The following MAF variants were observed in gnomAD, a reference collection of about 807,000 sequenced individuals.
The protein encoded by MAF is transcription factor Maf.
In MAF, 10 loss-of-function variants were observed where a neutral mutation model predicts 22.0. The ratio of observed to expected loss-of-function variants is 0.45; its 90% CI spans 0.28 to 0.77. The LOEUF (loss-of-function observed/expected upper bound fraction) is 0.77, where lower values mean the gene tolerates loss of function less well. Among genes scored for constraint, MAF ranks in the 30% least tolerant of loss-of-function variants. The pLI, the probability that MAF is intolerant of heterozygous loss-of-function variation, is 0.12. For synonymous variants in MAF, 337 were observed against 255.8 expected, an observed-to-expected ratio of 1.32 and a Z score of -3.03; for missense variants, 544 against 548.4, an observed-to-expected ratio of 0.99 and a Z score of 0.08.
At chr16:79,333,111 C>A in the MAF span, among the ~76,000 whole-genome samples, 1 of 152,162 alleles carries the variant, frequency 6.6e-6, no homozygotes. Flanking sequence ...CCCATCTCAG[C>A]GGGAGATGGT....
At position 79,594,489 on chromosome 16, in the gene MAF, G is replaced by A. The variant is rs769615452; in HGVS notation, c.1183C>T (p.Arg395Cys). ...GYATFWKPQHRVLTSVFTK is the reference protein window; with the variant it reads ...GYATFWKPQHCVLTSVFTK ...TTTGTGAACACACTGGTAAGTACAC[G>A]ATGCTGGGGCTTCCAAAATGTGGCG... is the stretch of plus-strand genomic sequence containing the variant. The change falls in exon 2 of 2, where the codon CGT (arginine) becomes TGT (cysteine). Residue 395 changes from arginine to cysteine, a missense_variant. Arg to Cys is a radical substitution (Grantham distance 180). Transcript: ENST00000326043. 11 of 1,565,250 alleles carry A rather than the reference G, an allele frequency of 7.0e-6. No individual in the cohort carries two copies. The highest frequency in any genetic ancestry group is 2.3e-5 in the South Asian group (2 of 85,202).
At chr16:79,497,590 C>A in the MAF span, among the ~76,000 whole-genome samples, 1 of 152,200 alleles carries the variant, frequency 6.6e-6, no homozygotes, top group Non-Finnish European at 1.5e-5. Flanking sequence ...ACCTCACAGG[C>A]CTCATGTGGG....
chr16:79,351,917 G>A, the MAF span, among the ~76,000 whole-genome samples: 8 of 152,088 alleles, frequency 5.3e-5, no homozygotes, highest in African/African-American at 1.7e-4. Context: ...CAATGACACC[G>A]AAAAAGCCAA....
chr16:79,487,049 C>T, the MAF span, among the ~76,000 whole-genome samples: 1 of 152,024 alleles, frequency 6.6e-6, no homozygotes, highest in African/African-American at 2.4e-5. Flanking sequence ...GCCTAAAGTT[C>T]CACTCCTTTT....
the MAF span, among the ~76,000 whole-genome samples, chr16:79,555,729 A>C: frequency 6.6e-6 from 1 of 152,236 alleles, no homozygotes; most frequent in East Asian, 1.9e-4. Flanking sequence ...TAATGCAAAT[A>C]TTCCAAACTC....
At chr16:79,296,250 A>C in the MAF span, among the ~76,000 whole-genome samples, 1 of 152,260 alleles carries the variant, frequency 6.6e-6, no homozygotes, top group Non-Finnish European at 1.5e-5. Flanking sequence ...GTCTAAGAAC[A>C]TAGTGAAAGC....
chr16:79,238,996 C>T, the MAF span, among the ~76,000 whole-genome samples: 2 of 151,978 alleles, frequency 1.3e-5, no homozygotes, highest in African/African-American at 2.4e-5. Flanking sequence ...TTGTTGTCCT[C>T]ACCGTGCTGG....
At chr16:79,302,090 A>G in the MAF span, among the ~76,000 whole-genome samples, 1 of 152,196 alleles carries the variant, frequency 6.6e-6, no homozygotes, top group South Asian at 2.1e-4. Flanking sequence ...CTCCAGTGCC[A>G]CTAGGACACG....
At chr16:79,442,182 C>G in the MAF span, among the ~76,000 whole-genome samples, 1 of 152,138 alleles carries the variant, frequency 6.6e-6, no homozygotes. Context: ...ATAGGATTCT[C>G]TTACAGCAAG....
the MAF span, among the ~76,000 whole-genome samples, chr16:79,310,291 C>G: frequency 1.3e-5 from 2 of 151,986 alleles, no homozygotes; most frequent in African/African-American, 4.8e-5. Context: ...TGAGAATCAA[C>G]TAAGAAAGAA....
At chr16:79,352,736 G>A in the MAF span, among the ~76,000 whole-genome samples, 1 of 152,172 alleles carries the variant, frequency 6.6e-6, no homozygotes, top group East Asian at 1.9e-4. Flanking sequence ...GGCATTTGGA[G>A]CCACATAATC....
At chr16:79,347,880 T>G in the MAF span, among the ~76,000 whole-genome samples, 1 of 152,182 alleles carries the variant, frequency 6.6e-6, no homozygotes, top group African/African-American at 2.4e-5. Flanking sequence ...TGCAATCACC[T>G]TTGTTTCTCT....
At chr16:79,240,645 A>T in the MAF span, among the ~76,000 whole-genome samples, 9 of 151,918 alleles carry the variant, frequency 5.9e-5, no homozygotes, top group East Asian at 1.7e-3. Context: ...ACCTGGCCTG[A>T]TGGCTCTAAA....
chr16:79,246,299 A>C, the MAF span, among the ~76,000 whole-genome samples: 1 of 152,156 alleles, frequency 6.6e-6, no homozygotes, highest in East Asian at 1.9e-4. Flanking sequence ...AAATTTAGAA[A>C]AAGAGTCCAT....
At chr16:79,345,342 A>G in the MAF span, among the ~76,000 whole-genome samples, 4 of 152,326 alleles carry the variant, frequency 2.6e-5, no homozygotes, top group South Asian at 8.3e-4. Context: ...AATTTGTCCT[A>G]AAATACAATG....
chr16:79,276,630 G>A, the MAF span, among the ~76,000 whole-genome samples: 2 of 152,186 alleles, frequency 1.3e-5, no homozygotes, highest in African/African-American at 4.8e-5. Context: ...CAGTGCCAGA[G>A]GTCACTGCAC....
chr16:79,486,313 A>G, the MAF span, among the ~76,000 whole-genome samples: 1 of 152,240 alleles, frequency 6.6e-6, no homozygotes, highest in Non-Finnish European at 1.5e-5. Flanking sequence ...CAACTTTTTC[A>G]AAATGGTTAT....
At chr16:79,531,927 C>T in the MAF span, among the ~76,000 whole-genome samples, 3 of 151,992 alleles carry the variant, frequency 2.0e-5, no homozygotes, top group Non-Finnish European at 4.4e-5. Context: ...CTTAGTGGTC[C>T]AAAGCGGGGT....
At chr16:79,364,101 G>A in the MAF span, among the ~76,000 whole-genome samples, 8 of 152,188 alleles carry the variant, frequency 5.3e-5, no homozygotes, top group Non-Finnish European at 1.2e-4. Context: ...GATAAGGATA[G>A]GAAATTTGGT....
Sources: allele counts gnomAD v4.1 joint callset (sites outside exome capture counted in the v4.1 genomes callset), GRCh38; gene constraint gnomAD v4.1.1; transcripts MANE v1.5; gene names NCBI Gene and HGNC (gene_info 2026-07-23, HGNC 2026-07-21).